Variants in AKT3 observed in about 807,000 individuals in gnomAD.
AKT3 encodes AKT serine/threonine kinase 3.
AKT3 carries 15 observed loss-of-function variants against 65.3 expected under a neutral mutation model. That is an observed-to-expected ratio of 0.23 (90% CI 0.15 to 0.35). The LOEUF (loss-of-function observed/expected upper bound fraction) is 0.35. AKT3 is among the 10% of genes least tolerant of loss of function. The pLI is 1.00. For missense variants in AKT3, 243 were observed against 576.5 expected (o/e 0.42, Z 5.92); for synonymous variants, 206 against 183.8 (o/e 1.12, Z -0.98).
intron 2 of AKT3, among the ~76,000 whole-genome samples, chr1:243,836,284 A>C (rs1234270943): frequency 6.6e-6 from 1 of 152,168 alleles, no homozygotes; most frequent in Non-Finnish European, 1.5e-5. Flanking sequence ...AAAGAGTGTC[A>C]CTTGAGAAAA....
chr1:243,603,886 T>C (rs1403254102), intron 8 of AKT3, among the ~76,000 whole-genome samples: 2 of 150,302 alleles, frequency 1.3e-5, no homozygotes, highest in African/African-American at 4.9e-5. Context: ...ACTGCTTCAA[T>C]TAATAATCTT....
chr1:243,724,669 T>C (rs1687104150), intron 2 of AKT3, among the ~76,000 whole-genome samples: 1 of 152,172 alleles, frequency 6.6e-6, no homozygotes. Context: ...ACTACACTTT[T>C]ACCAAGGATT....
intron 8 of AKT3, among the ~76,000 whole-genome samples, chr1:243,591,721 A>C (rs1405130049): frequency 1.3e-5 from 2 of 152,192 alleles, no homozygotes; most frequent in African/African-American, 4.8e-5. Context: ...AAGATGAAAA[A>C]AAAAGTCCCA....
At chr1:243,813,521 A>T (rs894245876) in intron 2 of AKT3, among the ~76,000 whole-genome samples, 1 of 152,112 alleles carries the variant, frequency 6.6e-6, no homozygotes, top group South Asian at 2.1e-4. Flanking sequence ...ATAATAAAAA[A>T]AAAATTAGAA....
downstream of AKT3, among the ~76,000 whole-genome samples, chr1:243,496,326 A>T (rs748767839): frequency 6.6e-6 from 1 of 152,166 alleles, no homozygotes; most frequent in Non-Finnish European, 1.5e-5. Context: ...GGTGCCCAGA[A>T]CACGAGGCGG....
chr1:243,613,398 A>G (rs1180287286), intron 8 of AKT3, among the ~76,000 whole-genome samples: 3 of 152,058 alleles, frequency 2.0e-5, no homozygotes, highest in Non-Finnish European at 4.4e-5. Flanking sequence ...CATGATTTCA[A>G]AAATCATACT....
intron 9 of AKT3, among the ~76,000 whole-genome samples, chr1:243,566,172 G>A (rs1674141719): frequency 6.6e-6 from 1 of 152,114 alleles, no homozygotes; most frequent in African/African-American, 2.4e-5. Flanking sequence ...TATAAACACT[G>A]CTTTTTAATA....
intron 12 of AKT3, among the ~76,000 whole-genome samples, chr1:243,525,582 T>C (rs1319638417): frequency 6.7e-6 from 1 of 148,760 alleles, no homozygotes; most frequent in Non-Finnish European, 1.5e-5. Context: ...TGGAAAAACC[T>C]AAAATAAAAA....
chr1:243,664,227 C>T (rs1361506777), intron 4 of AKT3, among the ~76,000 whole-genome samples: 4 of 115,796 alleles, frequency 3.5e-5, no homozygotes, highest in Non-Finnish European at 5.0e-5. Flanking sequence ...GACAGAGTCT[C>T]GCTCTGTCGC....
chr1:243,787,025 A>C (rs1395662660), intron 2 of AKT3, among the ~76,000 whole-genome samples: 5 of 152,252 alleles, frequency 3.3e-5, no homozygotes, highest in Non-Finnish European at 7.3e-5. Flanking sequence ...AAAATGTAGG[A>C]GTGGGAAACA....
chr1:243,719,679 C>T (rs753211016), intron 2 of AKT3, among the ~76,000 whole-genome samples: 6 of 152,116 alleles, frequency 3.9e-5, no homozygotes, highest in Non-Finnish European at 7.4e-5. Flanking sequence ...ACCTAGAATC[C>T]TCCCTTTTAG....
chr1:243,719,732 G>A (rs1414355032), intron 2 of AKT3, among the ~76,000 whole-genome samples: 2 of 152,128 alleles, frequency 1.3e-5, no homozygotes, highest in Non-Finnish European at 2.9e-5. Context: ...CATCAGAAGG[G>A]AAGAGAGAAA....
rs558627739 is a variant in AKT3, at chr1:243,521,656, G to T, written c.1252-9230C>A. Among the ~76,000 whole-genome samples the T allele has an allele frequency of 8.5e-5, 13 of 152,242 alleles. No individual in the cohort carries two copies. In the East Asian group the frequency reaches 2.5e-3, roughly 29 times the overall value. Reference sequence around the variant, plus strand: ...TGTTAATCTTGTGCCTACATAAAATGTACCAAGGGGCCCAAGGTATATAAC... The same window carrying T: ...TGTTAATCTTGTGCCTACATAAAATTTACCAAGGGGCCCAAGGTATATAAC... On this transcript the variant is annotated intron_variant, in intron 12 of 13. Coordinates refer to ENST00000673466, the MANE Select transcript of AKT3 (RefSeq NM_005465.7).
intron 3 of AKT3, among the ~76,000 whole-genome samples, chr1:243,683,535 G>A (rs1684070166): frequency 6.6e-6 from 1 of 152,100 alleles, no homozygotes; most frequent in Non-Finnish European, 1.5e-5. Flanking sequence ...AATCAAGGAA[G>A]GAGTCCTAAG....
At chr1:243,545,422 C>G in intron 12 of AKT3, 88 bp downstream of exon 12, 1 of 751,934 alleles carries the variant, frequency 1.3e-6, no homozygotes, top group Non-Finnish European at 2.2e-6. Flanking sequence ...ACATCATTAA[C>G]TTTTATTCAC....
At position 243,572,974 on chromosome 1, in the gene AKT3, A is replaced by G. The variant is rs2148507424; in HGVS notation, c.771T>C (p.Ser257=). Reference sequence around the variant, plus strand: ...TTCCGGAATGTAGATAGTCCAAGGCAGAGACAATTTCTGCACCATAGAAAC... The same window carrying G: ...TTCCGGAATGTAGATAGTCCAAGGCGGAGACAATTTCTGCACCATAGAAAC... The part of the protein sequence containing the change: ...RTRFYGAEIV[S]ALDYLHSGKI... Residue 257 remains serine (S), a synonymous_variant, in exon 9 of 14, where the codon TCT becomes TCC. Coordinates refer to ENST00000673466, the MANE Select transcript of AKT3 (RefSeq NM_005465.7). 6.2e-7 allele frequency: 1 copy of G among 1,613,420 alleles called. No homozygotes were observed. Among genetic ancestry groups the G allele is most frequent in the Non-Finnish European group, 8.5e-7 (1 of 1,179,672 alleles).
At chr1:243,702,716 A>T (rs1359059805) in intron 2 of AKT3, 1 of 152,154 alleles carries the variant, frequency 6.6e-6, no homozygotes, top group Non-Finnish European at 1.5e-5. Context: ...AGGTATATAA[A>T]ACATGTATTT....
At chr1:243,648,909 A>G (rs1681054342) in intron 4 of AKT3, among the ~76,000 whole-genome samples, 1 of 151,132 alleles carries the variant, frequency 6.6e-6, no homozygotes, top group Admixed American at 6.6e-5. Context: ...TCTGTTTTCT[A>G]TTTCACTAAT....
At chr1:243,700,031 G>C (rs926998106) in intron 2 of AKT3, among the ~76,000 whole-genome samples, 1 of 152,002 alleles carries the variant, frequency 6.6e-6, no homozygotes, top group Admixed American at 6.6e-5. Flanking sequence ...CTAACTTCTG[G>C]CCTCCAGAAT....
Sources: gnomAD v4.1 joint callset for allele counts (sites outside exome capture counted in the v4.1 genomes callset) on GRCh38, gnomAD v4.1.1 for gene constraint, MANE v1.5 for transcripts, NCBI Gene and HGNC (gene_info 2026-07-23, HGNC 2026-07-21) for gene names.